Variants in RBMS1 observed in about 807,000 individuals in gnomAD.
RBMS1 encodes the protein RNA binding motif single stranded interacting protein 1.
A neutral mutation model predicts 62.3 loss-of-function variants in RBMS1; 17 were observed. The observed-to-expected ratio is 0.27, with a 90% CI of 0.19 to 0.41. The LOEUF (loss-of-function observed/expected upper bound fraction) is 0.41. Among genes scored for constraint, RBMS1 ranks in the 10% least tolerant of loss-of-function variants. The probability of loss-of-function intolerance (pLI) is 1.00; values close to 1 mark genes in which losing one functional copy is unlikely to be tolerated. For missense variants in RBMS1, 334 were observed against 504.5 expected, an observed-to-expected ratio of 0.66 and a Z score of 3.24; for synonymous variants, 172 against 170.0, an observed-to-expected ratio of 1.01 and a Z score of -0.09.
intron 4 of RBMS1, among the ~76,000 whole-genome samples, chr2:160,306,846 G>A (rs1689555466): frequency 6.6e-6 from 1 of 152,066 alleles, no homozygotes; most frequent in Non-Finnish European, 1.5e-5. Context: ...TTCTTGAAAT[G>A]AGGATAGTTT....
intron 2 of RBMS1, among the ~76,000 whole-genome samples, chr2:160,332,006 T>C (rs1382380010): frequency 1.3e-5 from 2 of 152,228 alleles, no homozygotes; most frequent in Non-Finnish European, 1.5e-5. Flanking sequence ...ATTTTTTTGA[T>C]AGTGAAATGG....
intron 1 of RBMS1, among the ~76,000 whole-genome samples, chr2:160,479,755 A>G (rs1685291383): frequency 6.6e-6 from 1 of 152,168 alleles, no homozygotes; most frequent in Non-Finnish European, 1.5e-5. Flanking sequence ...AGATGATCTT[A>G]AAGTTCCTTC....
At chr2:160,282,555 T>G (rs549621894) in intron 9 of RBMS1, 73 of 295,876 alleles carry the variant, frequency 2.5e-4, no homozygotes, top group Non-Finnish European at 4.6e-4. Flanking sequence ...ATTTTTTATA[T>G]GCTTCAGTGG....
chr2:160,313,343 G>C, intron 3 of RBMS1, 96 bp from the exon 4 acceptor site: 1 of 1,215,556 alleles, frequency 8.2e-7, no homozygotes, highest in African/African-American at 1.5e-5. Flanking sequence ...GTGTGGGCAA[G>C]AGACATGAAA....
intron 9 of RBMS1, chr2:160,282,572 T>A (rs1376156209): frequency 7.6e-6 from 2 of 262,916 alleles, no homozygotes; most frequent in East Asian, 1.8e-4. Flanking sequence ...GTGGTCTTAA[T>A]AATCTAATAG....
At position 160,493,377 on chromosome 2, in the gene RBMS1, A is replaced by C; in HGVS notation, c.-14T>G. On this transcript the variant is annotated 5_prime_UTR_variant, in exon 1 of 14. Coordinates refer to ENST00000348849, the MANE Select transcript of RBMS1 (RefSeq NM_016836.4). ...CACTTTGCCCATGAAGCTGGAAGGG[A>C]GCCTGCCGTGCAGGGTCGCGGACAC... The C allele has an allele frequency of 1.2e-6, 2 of 1,612,470 alleles. No individual in the cohort carries two copies. The highest frequency in any genetic ancestry group is 1.7e-6 in the Non-Finnish European group (2 of 1,178,970).
intron 1 of RBMS1, among the ~76,000 whole-genome samples, chr2:160,416,630 A>T (rs1260613429): frequency 6.6e-6 from 1 of 152,174 alleles, no homozygotes; most frequent in African/African-American, 2.4e-5. Context: ...TTGAACAGGT[A>T]GATACCCTCA....
intron 9 of RBMS1, 83 bp from the exon 10 acceptor site, chr2:160,281,447 T>A: frequency 8.7e-7 from 1 of 1,148,024 alleles, no homozygotes; most frequent in Non-Finnish European, 1.3e-6. Flanking sequence ...TTAATCATGT[T>A]AAAAATCTAC....
At chr2:160,365,466 GAATA>G (rs1693347023) in intron 2 of RBMS1, among the ~76,000 whole-genome samples, 1 of 152,090 alleles carries the variant, frequency 6.6e-6, no homozygotes, top group African/African-American at 2.4e-5. Flanking sequence ...AAAAAGAAAT[GAATA>G]TTCTAGGAAA....
At chr2:160,368,610 C>A (rs977376386) in intron 1 of RBMS1, among the ~76,000 whole-genome samples, 2 of 152,136 alleles carry the variant, frequency 1.3e-5, no homozygotes, top group Non-Finnish European at 2.9e-5. Context: ...TCCATAATAT[C>A]TCAACATATG....
intron 1 of RBMS1, among the ~76,000 whole-genome samples, chr2:160,463,583 G>A (rs1314459809): frequency 6.6e-6 from 1 of 152,160 alleles, no homozygotes. Flanking sequence ...TCAGGAGTTC[G>A]AGACCAGCCT....
At chr2:160,396,491 G>A (rs1695144351) in intron 1 of RBMS1, among the ~76,000 whole-genome samples, 1 of 148,054 alleles carries the variant, frequency 6.8e-6, no homozygotes, top group Admixed American at 6.7e-5. Flanking sequence ...TTTTACCTCA[G>A]AACTTCCTCT....
intron 2 of RBMS1, among the ~76,000 whole-genome samples, chr2:160,350,569 G>A (rs972501879): frequency 1.3e-5 from 2 of 152,136 alleles, no homozygotes; most frequent in African/African-American, 4.8e-5. Context: ...AAGCAGGGGA[G>A]AGGAGGAAAA....
intron 2 of RBMS1, among the ~76,000 whole-genome samples, chr2:160,365,375 G>A (rs773401631): frequency 6.6e-6 from 1 of 152,106 alleles, no homozygotes; most frequent in African/African-American, 2.4e-5. Context: ...GCTGCAAAGC[G>A]TTATTGCTGC....
At chr2:160,373,017 T>C (rs1417624521) in intron 1 of RBMS1, among the ~76,000 whole-genome samples, 1 of 152,160 alleles carries the variant, frequency 6.6e-6, no homozygotes, top group African/African-American at 2.4e-5. Flanking sequence ...AAGCTTAAAA[T>C]CACATAGCTA....
chr2:160,315,169 TA>T (rs1266915643), intron 3 of RBMS1, among the ~76,000 whole-genome samples: 2 of 152,362 alleles, frequency 1.3e-5, no homozygotes, highest in Admixed American at 1.3e-4. Context: ...GCCTGCATTT[TA>T]GTTAACTGTT....
At chr2:160,304,343 T>A (rs966918211) in intron 4 of RBMS1, among the ~76,000 whole-genome samples, 1 of 152,214 alleles carries the variant, frequency 6.6e-6, no homozygotes, top group Non-Finnish European at 1.5e-5. Context: ...CTTGAAGTCT[T>A]GTGTTTTATC....
chr2:160,418,095 A>G (rs1215394462), intron 1 of RBMS1, among the ~76,000 whole-genome samples: 3 of 152,224 alleles, frequency 2.0e-5, no homozygotes, highest in Non-Finnish European at 4.4e-5. Context: ...TGAAAGGGAG[A>G]TGAACCTAAA....
At chr2:160,352,422 C>T (rs1692568774) in intron 2 of RBMS1, among the ~76,000 whole-genome samples, 1 of 152,082 alleles carries the variant, frequency 6.6e-6, no homozygotes, top group Non-Finnish European at 1.5e-5. Context: ...TTAGGGGTTC[C>T]ATCAATTTTC....
Sources: gnomAD v4.1 joint callset for allele counts (sites outside exome capture counted in the v4.1 genomes callset) on GRCh38, gnomAD v4.1.1 for gene constraint, MANE v1.5 for transcripts, NCBI Gene and HGNC (gene_info 2026-07-23, HGNC 2026-07-21) for gene names.